STX8: variants seen among roughly 807,000 people sequenced by gnomAD.
STX8 encodes the protein syntaxin 8.
A neutral mutation model predicts 37.5 loss-of-function variants in STX8; 23 were observed. The ratio of observed to expected loss-of-function variants is 0.61; its 90% CI spans 0.44 to 0.87. The LOEUF (loss-of-function observed/expected upper bound fraction) is 0.87, where lower values mean the gene tolerates loss of function less well. STX8 is among the 40% of genes least tolerant of loss of function. The pLI, the probability that STX8 is intolerant of heterozygous loss-of-function variation, is 0.00. For missense variants in STX8, 313 were observed against 284.7 expected (o/e 1.10, Z -0.71); for synonymous variants, 115 against 99.1 (o/e 1.16, Z -0.95).
intron 4 of STX8, among the ~76,000 whole-genome samples, chr17:9,506,586 C>A (rs552341440): frequency 2.8e-4 from 42 of 152,230 alleles, no homozygotes; most frequent in African/African-American, 9.9e-4. Flanking sequence ...CCCATCTCTT[C>A]CACCAGGACT....
chr17:9,530,293 A>G (rs191861276), intron 4 of STX8, among the ~76,000 whole-genome samples: 53 of 137,522 alleles, frequency 3.9e-4, no homozygotes, highest in African/African-American at 1.4e-3. Flanking sequence ...CCTGGGAGAC[A>G]GAGTGAGACT....
chr17:9,455,514 A>C (rs1409359163), intron 6 of STX8, among the ~76,000 whole-genome samples: 1 of 152,180 alleles, frequency 6.6e-6, no homozygotes, highest in Non-Finnish European at 1.5e-5. Context: ...ATCAATCAAT[A>C]AATAAAAACA....
intron 7 of STX8, among the ~76,000 whole-genome samples, chr17:9,340,995 A>T (rs866730927): frequency 4.6e-4 from 68 of 146,254 alleles, no homozygotes; most frequent in African/African-American, 1.4e-3. Context: ...ATTATAAATT[A>T]TAAATTATAT....
intron 7 of STX8, among the ~76,000 whole-genome samples, chr17:9,296,415 T>G (rs1235686184): frequency 6.6e-6 from 1 of 150,746 alleles, no homozygotes; most frequent in East Asian, 1.9e-4. Flanking sequence ...GGAGAATAGC[T>G]TGAACCTGGG....
intron 4 of STX8, among the ~76,000 whole-genome samples, chr17:9,530,959 A>T (rs935103828): frequency 3.9e-5 from 6 of 152,220 alleles, no homozygotes; most frequent in African/African-American, 1.4e-4. Flanking sequence ...TCACATTTAG[A>T]TCTATAATCC....
intron 6 of STX8, among the ~76,000 whole-genome samples, chr17:9,489,691 CTTT>C (rs4063411): frequency 7.9e-6 from 1 of 127,384 alleles, no homozygotes; most frequent in Non-Finnish European, 1.6e-5. Context: ...GCTTACTTTC[CTTT>C]TTTTTTTTTT....
intron 7 of STX8, among the ~76,000 whole-genome samples, chr17:9,375,971 C>T (rs986299280): frequency 2.0e-5 from 3 of 152,070 alleles, no homozygotes; most frequent in African/African-American, 4.8e-5. Context: ...CTCTCACATA[C>T]GTATGGAAAG....
intron 2 of STX8, among the ~76,000 whole-genome samples, chr17:9,565,443 C>T (rs1010857434): frequency 6.6e-6 from 1 of 151,908 alleles, no homozygotes; most frequent in Admixed American, 6.6e-5. Flanking sequence ...TGGCGAAACC[C>T]TCTCTCTAAT....
intron 3 of STX8, 74 bp from the exon 4 acceptor site, chr17:9,545,356 T>G: frequency 1.8e-6 from 2 of 1,105,490 alleles, no homozygotes; most frequent in Non-Finnish European, 2.7e-6. Flanking sequence ...AAGTTAGCTC[T>G]TCAAGTCAGT....
At chr17:9,320,873 C>A (rs1357106728) in intron 7 of STX8, among the ~76,000 whole-genome samples, 1 of 150,004 alleles carries the variant, frequency 6.7e-6, no homozygotes, top group Non-Finnish European at 1.5e-5. Context: ...TGCACTCCAG[C>A]CTGGGACAGA....
chr17:9,410,481 C>T (rs376193354), intron 6 of STX8, among the ~76,000 whole-genome samples: 139 of 152,250 alleles, frequency 9.1e-4, no homozygotes, highest in African/African-American at 3.1e-3. Context: ...TCATAAAACG[C>T]GGTAACGTGC....
At position 9,255,547 on chromosome 17, in the gene STX8, T is replaced by C. The variant is rs575979204; in HGVS notation, c.644-4902A>G. On this transcript the variant is annotated intron_variant, in intron 7 of 7. Transcript: ENST00000306357. ...ATCTCAAAATAAATAAATAAATAAA[T>C]AAATAAATATATAAATAAATAAATA... 4.5e-4 allele frequency among the ~76,000 whole-genome samples: 31 copies of C among 69,514 alleles called. No individual in the cohort carries two copies. The South Asian group carries it at 0.014, about 31-fold the overall frequency. 45.6% of individuals were successfully genotyped at this position (69,514 alleles called of 152,430 possible). A position where few individuals can be genotyped will look rare whatever the true frequency, so the allele number is the denominator to read the frequency against.
chr17:9,393,115 A>C (rs937080074), intron 6 of STX8, among the ~76,000 whole-genome samples: 1 of 152,176 alleles, frequency 6.6e-6, no homozygotes, highest in Admixed American at 6.5e-5. Flanking sequence ...CCAAAGAAAA[A>C]CAACACATTG....
chr17:9,260,948 A>G (rs1388889740), intron 7 of STX8, among the ~76,000 whole-genome samples: 1 of 152,232 alleles, frequency 6.6e-6, no homozygotes, highest in Non-Finnish European at 1.5e-5. Flanking sequence ...GAACGGTGTG[A>G]AGAGAGACAT....
At chr17:9,449,729 A>G (rs1049432646) in intron 6 of STX8, among the ~76,000 whole-genome samples, 11 of 152,042 alleles carry the variant, frequency 7.2e-5, no homozygotes, top group African/African-American at 2.2e-4. Context: ...TCACAATTCT[A>G]TTTATATTCC....
chr17:9,513,791 G>C (rs1218032425), intron 4 of STX8, among the ~76,000 whole-genome samples: 1 of 152,114 alleles, frequency 6.6e-6, no homozygotes, highest in Non-Finnish European at 1.5e-5. Context: ...CAGATGAATG[G>C]ATAAAGAAAG....
chr17:9,574,449 T>C (rs901797031), intron 1 of STX8, among the ~76,000 whole-genome samples: 1 of 152,036 alleles, frequency 6.6e-6, no homozygotes, highest in Non-Finnish European at 1.5e-5. Context: ...GCTATTTATT[T>C]TCCTTTTTGC....
intron 7 of STX8, among the ~76,000 whole-genome samples, chr17:9,330,627 G>T (rs1909931586): frequency 6.6e-6 from 1 of 152,224 alleles, no homozygotes; most frequent in African/African-American, 2.4e-5. Flanking sequence ...ACTGGCTTCG[G>T]CTTTCTGTTT....
chr17:9,311,236 CAAA>C (rs1217019833), intron 7 of STX8, among the ~76,000 whole-genome samples: 25 of 82,964 alleles, frequency 3.0e-4, no homozygotes, highest in African/African-American at 7.6e-4. Context: ...GACTCCGTCT[CAAA>C]AAAAAAAAAA....
Sources: gnomAD v4.1 joint callset for allele counts (sites outside exome capture counted in the v4.1 genomes callset) on GRCh38, gnomAD v4.1.1 for gene constraint, MANE v1.5 for transcripts, NCBI Gene and HGNC (gene_info 2026-07-23, HGNC 2026-07-21) for gene names.